Variants in TP53BP2 observed in about 807,000 individuals in gnomAD.
TP53BP2 encodes the protein apoptosis-stimulating of p53 protein 2.
A neutral mutation model predicts 126.2 loss-of-function variants in TP53BP2; 62 were observed. The ratio of observed to expected loss-of-function variants is 0.49; its 90% CI spans 0.40 to 0.61. TP53BP2 has a LOEUF of 0.61. Ranked by LOEUF, TP53BP2 falls within the 20% of genes least tolerant of loss-of-function variation. The pLI, the probability that TP53BP2 is intolerant of heterozygous loss-of-function variation, is 0.00. For synonymous variants in TP53BP2, 485 were observed against 502.9 expected, an observed-to-expected ratio of 0.96 and a Z score of 0.48; for missense variants, 1,215 against 1,402.8, an observed-to-expected ratio of 0.87 and a Z score of 2.14.
chr1:223,845,535 C>A, intron 1 of TP53BP2, 119 bp downstream of exon 1: 1 of 1,164,718 alleles, frequency 8.6e-7, no homozygotes, highest in South Asian at 1.9e-5. Context: ...GCCCCGGCCC[C>A]TCCGCGCGGG....
At chr1:223,824,653 C>A (rs775858076) in intron 1 of TP53BP2, among the ~76,000 whole-genome samples, 1 of 152,062 alleles carries the variant, frequency 6.6e-6, no homozygotes, top group Non-Finnish European at 1.5e-5. Context: ...GCACCTGTAT[C>A]CCAGAACTTA....
chr1:223,812,093 G>C (rs746973043), intron 3 of TP53BP2, among the ~76,000 whole-genome samples: 1 of 151,326 alleles, frequency 6.6e-6, no homozygotes, highest in African/African-American at 2.4e-5. Flanking sequence ...AAAAGCCTAC[G>C]GAAAAAAATA....
chr1:223,780,698 C>A lies in TP53BP2; in HGVS notation c.*155G>T, dbSNP rs1661740009. 1 of 718,078 alleles carries A rather than the reference C, an allele frequency of 1.4e-6. No individual in the cohort carries two copies. The highest frequency in any genetic ancestry group is 2.0e-5 in the South Asian group (1 of 50,952). The allele number at this position is 718,078 out of a possible 1,614,324, so 44.5% of individuals were successfully genotyped here. A position where few individuals can be genotyped will look rare whatever the true frequency, so the allele number is the denominator to read the frequency against. The stretch of plus-strand genomic sequence containing the variant: ...GCTAAATGTCCTCTAATGGTGAATT[C>A]TTCAATCCTTCATTCTCTTCTAGAG... On this transcript the variant is annotated 3_prime_UTR_variant, in exon 18 of 18. Coordinates refer to ENST00000343537, the MANE Select transcript of TP53BP2 (RefSeq NM_001031685.3).
intron 11 of TP53BP2, 110 bp downstream of exon 11, chr1:223,799,789 C>A: frequency 1.0e-6 from 1 of 1,004,722 alleles, no homozygotes; most frequent in Middle Eastern, 2.5e-4. Context: ...TTCTAATCTC[C>A]TAGGTACATC....
chr1:223,817,701 G>A (rs1362695376), intron 2 of TP53BP2, among the ~76,000 whole-genome samples: 1 of 151,986 alleles, frequency 6.6e-6, no homozygotes, highest in African/African-American at 2.4e-5. Context: ...TGAGGCAGGC[G>A]GATCACTTGA....
intron 1 of TP53BP2, among the ~76,000 whole-genome samples, chr1:223,829,297 A>T (rs1381414699): frequency 5.3e-5 from 8 of 152,154 alleles, no homozygotes; most frequent in African/African-American, 1.7e-4. Flanking sequence ...TCAGAGTGAG[A>T]CCCTGTCTCA....
At chr1:223,819,440 G>A (rs539646767) in intron 2 of TP53BP2, among the ~76,000 whole-genome samples, 23 of 151,940 alleles carry the variant, frequency 1.5e-4, no homozygotes, top group African/African-American at 3.1e-4. Context: ...TAATCCCAGC[G>A]CTTTGGGAGG....
chr1:223,834,332 A>C (rs1410163430), intron 1 of TP53BP2, among the ~76,000 whole-genome samples: 1 of 152,172 alleles, frequency 6.6e-6, no homozygotes, highest in Non-Finnish European at 1.5e-5. Context: ...CCCAGAGGAG[A>C]GGCCCAGTAC....
chr1:223,789,238 T>C, intron 15 of TP53BP2, 64 bp from the exon 16 acceptor site: 1 of 1,565,920 alleles, frequency 6.4e-7, no homozygotes, highest in Non-Finnish European at 8.7e-7. Context: ...GCTGATAAGA[T>C]ATCTGGAAAG....
Position 223,786,581 on chromosome 1 carries a change from CGTGTGTGT to C in TP53BP2, c.3164-2275_3164-2268del, listed in dbSNP as rs61533251. Among the ~76,000 whole-genome samples the C allele has an allele frequency of 1.3e-3, 194 of 144,586 alleles. 1 individual carries two copies. The highest frequency in any genetic ancestry group is 4.5e-3 in the East Asian group (22 of 4,936). The allele number at this position is 144,586 out of a possible 152,430, so 94.9% of individuals were successfully genotyped here. A position where few individuals can be genotyped will look rare whatever the true frequency, so the allele number is the denominator to read the frequency against. On this transcript the variant is annotated intron_variant, in intron 16 of 17. Transcript: ENST00000343537. ...ATATATGTGTGTGTGTGCGTGTGTG[CGTGTGTGT>C]GTGTGTGTGTGTGTGTGTATATTTT...
intron 1 of TP53BP2, among the ~76,000 whole-genome samples, chr1:223,824,900 T>C (rs1020292464): frequency 6.6e-6 from 1 of 151,964 alleles, no homozygotes; most frequent in Non-Finnish European, 1.5e-5. Context: ...GCTGTTCCTC[T>C]ATTTGGAATG....
At chr1:223,818,549 C>T (rs1663177069) in intron 2 of TP53BP2, among the ~76,000 whole-genome samples, 1 of 148,552 alleles carries the variant, frequency 6.7e-6, no homozygotes, top group Non-Finnish European at 1.5e-5. Context: ...AAATCTAGAA[C>T]ACATATCGGT....
chr1:223,800,248 G>A (rs544225867), intron 10 of TP53BP2, among the ~76,000 whole-genome samples: 165 of 152,150 alleles, frequency 1.1e-3, no homozygotes, highest in African/African-American at 3.8e-3. Flanking sequence ...AGGTGTTCTG[G>A]AAATAAATAT....
intron 4 of TP53BP2, among the ~76,000 whole-genome samples, chr1:223,809,844 G>C (rs1317178566): frequency 6.7e-6 from 1 of 148,464 alleles, no homozygotes; most frequent in Non-Finnish European, 1.5e-5. Flanking sequence ...TTTTTTTTTT[G>C]AGACAGAGTG....
At chr1:223,792,991 C>A (rs764023519) in intron 14 of TP53BP2, among the ~76,000 whole-genome samples, 1 of 151,990 alleles carries the variant, frequency 6.6e-6, no homozygotes, top group African/African-American at 2.4e-5. Flanking sequence ...GAGTAATGAT[C>A]TCTCTTAAGA....
At chr1:223,842,804 TC>T (rs1428485766) in intron 1 of TP53BP2, among the ~76,000 whole-genome samples, 6 of 152,132 alleles carry the variant, frequency 3.9e-5, no homozygotes, top group Non-Finnish European at 1.5e-5. Context: ...TACATGAAAA[TC>T]AAATACAACA....
At chr1:223,798,784 AGCTCTG>A in intron 11 of TP53BP2, 107 bp from the exon 12 acceptor site, 1 of 1,031,230 alleles carries the variant, frequency 9.7e-7, no homozygotes, top group Non-Finnish European at 1.4e-6. Flanking sequence ...TAAAAATATT[AGCTCTG>A]GCCGGGTGCA....
At position 223,799,980 on chromosome 1, in the gene TP53BP2, T is replaced by G; in HGVS notation, c.1404A>C (p.Ala468=). 6.2e-7 allele frequency: 1 copy of G among 1,613,686 alleles called. No homozygotes were observed. The highest frequency in any genetic ancestry group is 1.1e-5 in the South Asian group (1 of 91,030). Residue 468 remains alanine, a synonymous_variant, in exon 11 of 18, where the codon GCA becomes GCC. Transcript: ENST00000343537. ...AAGGTGGGGCATTGGACTGGTCTAC[T>G]GCATCAAACATTGAGAACGGACGCA... ...KKVRPFSMFD[A]VDQSNAPPSF...
chr1:223,793,290 A>G lies in TP53BP2; in HGVS notation c.2862+13T>C. The G allele has an allele frequency of 6.4e-7, 1 of 1,550,536 alleles. No individual in the cohort carries two copies. The highest frequency in any genetic ancestry group is 2.3e-5 in the East Asian group (1 of 42,970). On this transcript the variant is annotated intron_variant, in intron 14 of 17. Coordinates refer to ENST00000343537, the MANE Select transcript of TP53BP2 (RefSeq NM_001031685.3). ...CTGACTCAAAAAAAAAAATTTACTA[A>G]TTATAATCATACCTCATAAATAATT...
Sources: gnomAD v4.1 joint callset for allele counts (sites outside exome capture counted in the v4.1 genomes callset) on GRCh38, gnomAD v4.1.1 for gene constraint, MANE v1.5 for transcripts, NCBI Gene and HGNC (gene_info 2026-07-23, HGNC 2026-07-21) for gene names.